The following PRLR variants were observed in gnomAD, a reference collection of about 807,000 sequenced individuals.
The protein encoded by PRLR is hPRL receptor.
PRLR carries 13 observed loss-of-function variants against 40.2 expected under a neutral mutation model. The ratio of observed to expected loss-of-function variants is 0.32; its 90% confidence interval spans 0.21 to 0.51. The LOEUF is 0.51. PRLR is among the 20% of genes least tolerant of loss of function. The pLI is 0.97. For synonymous variants in PRLR, 269 were observed against 278.7 expected (o/e 0.97, Z 0.35); for missense variants, 656 against 747.3 (o/e 0.88, Z 1.42).
intron 5 of PRLR, among the ~76,000 whole-genome samples, chr5:35,076,046 T>A (rs1046348971): frequency 2.0e-5 from 3 of 152,136 alleles, no homozygotes; most frequent in African/African-American, 4.8e-5. Context: ...TACGTCACCA[T>A]CATCAAAGAC....
downstream of PRLR, among the ~76,000 whole-genome samples, chr5:35,051,285 A>G (rs1394951964): frequency 6.6e-6 from 1 of 152,224 alleles, no homozygotes. Context: ...GTATTATTCA[A>G]TAATGTATGT....
At chr5:35,210,385 C>G (rs956652953) in intron 1 of PRLR, among the ~76,000 whole-genome samples, 5 of 152,202 alleles carry the variant, frequency 3.3e-5, no homozygotes, top group African/African-American at 1.2e-4. Flanking sequence ...TTTGCAGAAT[C>G]ATTCCCAAAG....
At chr5:35,186,727 G>A (rs1307904164) in intron 1 of PRLR, among the ~76,000 whole-genome samples, 1 of 152,130 alleles carries the variant, frequency 6.6e-6, no homozygotes, top group Non-Finnish European at 1.5e-5. Flanking sequence ...GGGTGGCCCT[G>A]GCTAACTCAT....
chr5:35,102,075 G>T (rs868499941), intron 2 of PRLR, among the ~76,000 whole-genome samples: 1 of 151,866 alleles, frequency 6.6e-6, no homozygotes, highest in African/African-American at 2.4e-5. Context: ...TGATCTACCC[G>T]CCTCGGCCTC....
At chr5:35,160,608 T>C (rs1029145771) in intron 1 of PRLR, among the ~76,000 whole-genome samples, 4 of 152,162 alleles carry the variant, frequency 2.6e-5, no homozygotes, top group Non-Finnish European at 4.4e-5. Flanking sequence ...TCACAAGATA[T>C]GCAAATTCCC....
intron 1 of PRLR, among the ~76,000 whole-genome samples, chr5:35,125,244 AAATTGGCC>A (rs1773420512): frequency 6.6e-6 from 1 of 152,210 alleles, no homozygotes; most frequent in South Asian, 2.1e-4. Context: ...GAGTCTGTAG[AAATTGGCC>A]AACGATCATC....
chr5:35,112,981 G>A (rs1227608753), intron 2 of PRLR, among the ~76,000 whole-genome samples: 2 of 152,156 alleles, frequency 1.3e-5, no homozygotes, highest in East Asian at 3.8e-4. Flanking sequence ...TGGGGAAGAG[G>A]GAGGGAAACC....
intron 4 of PRLR, among the ~76,000 whole-genome samples, chr5:35,085,576 C>T (rs1770797688): frequency 1.3e-5 from 2 of 152,218 alleles, no homozygotes; most frequent in South Asian, 4.2e-4. Flanking sequence ...AGGAAAAAAC[C>T]TCACCTTCTT....
intron 1 of PRLR, among the ~76,000 whole-genome samples, chr5:35,156,236 T>C (rs539336977): frequency 2.6e-5 from 4 of 152,196 alleles, no homozygotes; most frequent in African/African-American, 7.2e-5. Context: ...GTTGACTCTA[T>C]CTTTAAATGA....
intron 1 of PRLR, among the ~76,000 whole-genome samples, chr5:35,196,473 A>C (rs1007428260): frequency 7.2e-5 from 11 of 152,244 alleles, no homozygotes; most frequent in Non-Finnish European, 8.8e-5. Context: ...TAAGACTCTT[A>C]AAGGAATTCT....
In PRLR at chr5:35,143,755, A is replaced by C. The variant is rs1257927494; in HGVS notation, c.-105-25633T>G. 2.0e-5 allele frequency among the ~76,000 whole-genome samples: 3 copies of C among 152,232 alleles called. 1 individual carries two copies. In the East Asian group the frequency reaches 5.8e-4, roughly 29 times the overall value. ...CTGACAGTTTAATACATATAAATTA[A>C]GTCCTACTCTCAGTAAAACATGTTT... On this transcript the variant is annotated intron_variant, in intron 1 of 9. Coordinates refer to ENST00000618457, the MANE Select transcript of PRLR (RefSeq NM_000949.7).
At chr5:35,218,234 C>T (rs1268337031) in intron 1 of PRLR, among the ~76,000 whole-genome samples, 1 of 152,060 alleles carries the variant, frequency 6.6e-6, no homozygotes, top group Non-Finnish European at 1.5e-5. Flanking sequence ...ATACCTGACA[C>T]ATATCATATA....
chr5:35,073,185 A>T (rs563163721), intron 5 of PRLR, among the ~76,000 whole-genome samples: 1 of 152,332 alleles, frequency 6.6e-6, no homozygotes, highest in East Asian at 1.9e-4. Flanking sequence ...TTGTAAATGA[A>T]CTATTCATAA....
chr5:35,094,642 C>T (rs1771423006), intron 2 of PRLR, among the ~76,000 whole-genome samples: 1 of 152,132 alleles, frequency 6.6e-6, no homozygotes. Flanking sequence ...TTCTTGCAAA[C>T]AAATTTTGAA....
At chr5:35,102,387 C>T (rs1400331655) in intron 2 of PRLR, among the ~76,000 whole-genome samples, 1 of 151,696 alleles carries the variant, frequency 6.6e-6, no homozygotes, top group Non-Finnish European at 1.5e-5. Flanking sequence ...CCCATCTCTC[C>T]TCTCTCCTTT....
chr5:35,151,040 C>T (rs1285922407), intron 1 of PRLR, among the ~76,000 whole-genome samples: 1 of 152,140 alleles, frequency 6.6e-6, no homozygotes, highest in African/African-American at 2.4e-5. Context: ...TATAGGGTTT[C>T]ACCACGAGGC....
intron 1 of PRLR, among the ~76,000 whole-genome samples, chr5:35,166,286 CT>C (rs1774822799): frequency 6.6e-6 from 1 of 152,156 alleles, no homozygotes. Context: ...TGTTATAGCC[CT>C]TTCACATCTT....
chr5:35,080,862 T>C (rs1305420195), intron 5 of PRLR, among the ~76,000 whole-genome samples: 1 of 151,778 alleles, frequency 6.6e-6, no homozygotes. Flanking sequence ...TATGCAGCCA[T>C]AAAAATGGAT....
chr5:35,145,734 G>C (rs554376439), intron 1 of PRLR, among the ~76,000 whole-genome samples: 1 of 151,478 alleles, frequency 6.6e-6, no homozygotes, highest in East Asian at 1.9e-4. Flanking sequence ...CTCAACAAAT[G>C]TTCACTGAAA....
Sources: gnomAD v4.1 joint callset for allele counts (sites outside exome capture counted in the v4.1 genomes callset) on GRCh38, gnomAD v4.1.1 for gene constraint, MANE v1.5 for transcripts, NCBI Gene and HGNC (gene_info 2026-07-23, HGNC 2026-07-21) for gene names.